Variants in HCRTR2 observed in about 807,000 individuals in gnomAD.
HCRTR2 encodes the protein orexin receptor type 2.
In HCRTR2, 22 loss-of-function variants were observed where a neutral mutation model predicts 49.0. That is an observed-to-expected ratio of 0.45 (90% CI 0.32 to 0.64). The LOEUF (loss-of-function observed/expected upper bound fraction) is 0.64. Ranked by LOEUF, HCRTR2 falls within the 30% of genes least tolerant of loss-of-function variation. The probability of loss-of-function intolerance (pLI) is 0.04; values close to 1 mark genes in which losing one functional copy is unlikely to be tolerated. For synonymous variants in HCRTR2, 236 were observed against 205.3 expected (o/e 1.15, Z -1.28); for missense variants, 491 against 559.4 (o/e 0.88, Z 1.23).
chr6:55,162,846 T>A (rs988092561), intron 1 of HCRTR2, among the ~76,000 whole-genome samples: 1 of 152,174 alleles, frequency 6.6e-6, no homozygotes, highest in Non-Finnish European at 1.5e-5. Flanking sequence ...AAACATTCCA[T>A]CCTCATGGAT....
At chr6:55,242,729 A>G (rs139604255) in intron 1 of HCRTR2, among the ~76,000 whole-genome samples, 1 of 152,332 alleles carries the variant, frequency 6.6e-6, no homozygotes, top group East Asian at 1.9e-4. Flanking sequence ...GCACCAGCAT[A>G]TCACCTTAGT....
intron 1 of HCRTR2, among the ~76,000 whole-genome samples, chr6:55,225,083 A>G (rs898802206): frequency 2.6e-5 from 4 of 152,194 alleles, no homozygotes; most frequent in African/African-American, 9.7e-5. Context: ...CACAATGTAT[A>G]CATCTTTTAA....
In HCRTR2 at chr6:55,128,598, T is replaced by C. The variant is rs185356217; in HGVS notation, c.-378+22053T>C. ...TTGTTTAGGTCATTTCTGATTTATC[T>C]GAGCAGTGGCTTATAGTTCTTGTAG... On this transcript the variant is annotated intron_variant, in intron 1 of 7. Coordinates refer to the HCRTR2 transcript ENST00000615358. Among the ~76,000 whole-genome samples the C allele has an allele frequency of 7.2e-5, 11 of 152,368 alleles. No individual in the cohort carries two copies. In the East Asian group the frequency reaches 2.1e-3, roughly 29 times the overall value.
intron 1 of HCRTR2, among the ~76,000 whole-genome samples, chr6:55,176,695 C>A (rs370341775): frequency 5.3e-5 from 8 of 152,112 alleles, no homozygotes; most frequent in South Asian, 2.1e-4. Flanking sequence ...TTTTTTCTGA[C>A]CTCAGATCCA....
At chr6:55,187,901 C>A (rs1234044866) in intron 1 of HCRTR2, among the ~76,000 whole-genome samples, 1 of 151,970 alleles carries the variant, frequency 6.6e-6, no homozygotes, top group Non-Finnish European at 1.5e-5. Flanking sequence ...CTCAGCCTCC[C>A]GAGTAGCTGG....
intron 1 of HCRTR2, among the ~76,000 whole-genome samples, chr6:55,142,871 G>T (rs887295313): frequency 4.6e-5 from 7 of 151,238 alleles, no homozygotes; most frequent in South Asian, 2.1e-4. Flanking sequence ...AAAAAATTTA[G>T]GGTGAAGAAA....
intron 1 of HCRTR2, among the ~76,000 whole-genome samples, chr6:55,135,476 A>T (rs916892906): frequency 2.6e-5 from 4 of 152,108 alleles, no homozygotes; most frequent in African/African-American, 9.7e-5. Context: ...TATTCCTGAA[A>T]GTTGCCCAAA....
In HCRTR2 at chr6:55,263,803, G is replaced by A. The variant is rs199660644; in HGVS notation, c.743G>A (p.Arg248His). Residue 248 changes from arginine to histidine, a missense_variant, in exon 4 of 7, where the codon CGC (arginine) becomes CAC (histidine). By Grantham distance (29) the Arg-to-His change is conservative (BLOSUM62 0). Coordinates refer to ENST00000370862, the MANE Select transcript of HCRTR2 (RefSeq NM_001384272.1). ...GTGTTGGCTTATCTGCAAATATTTC[G>A]CAAACTCTGGTGTCGACAGGTATAT... is the stretch of plus-strand genomic sequence containing the variant. ...LMVLAYLQIFRKLWCRQIPGT... is the reference protein window; with the variant it reads ...LMVLAYLQIFHKLWCRQIPGT... 7.6e-5 allele frequency: 122 copies of A among 1,605,584 alleles called. No homozygotes were observed. Among genetic ancestry groups the A allele is most frequent in the South Asian group, 1.1e-4 (10 of 90,836 alleles).
chr6:55,187,411 C>CAAAAAAA (rs57619664), intron 1 of HCRTR2, among the ~76,000 whole-genome samples: 7 of 98,422 alleles, frequency 7.1e-5, no homozygotes, highest in Non-Finnish European at 1.2e-4. Context: ...GACTCCGTCT[C>CAAAAAAA]AAAAAAAAAA....
chr6:55,210,346 G>C (rs2127291284), intron 1 of HCRTR2, among the ~76,000 whole-genome samples: 1 of 152,144 alleles, frequency 6.6e-6, no homozygotes, highest in South Asian at 2.1e-4. Flanking sequence ...CAATGTGATG[G>C]GGACTTGCTC....
At chr6:55,198,413 A>G (rs1765456272) in intron 1 of HCRTR2, among the ~76,000 whole-genome samples, 1 of 152,164 alleles carries the variant, frequency 6.6e-6, no homozygotes, top group Non-Finnish European at 1.5e-5. Context: ...TCAAACTGTA[A>G]TCCTAATGCT....
chr6:55,242,400 A>G (rs143245208), intron 1 of HCRTR2, among the ~76,000 whole-genome samples: 1,887 of 152,068 alleles, frequency 0.012, 24 homozygotes, highest in Non-Finnish European at 0.016. Context: ...AAAAAAATCT[A>G]CTTTCTATCT....
intron 1 of HCRTR2, among the ~76,000 whole-genome samples, chr6:55,122,296 A>G (rs9475153): frequency 0.62 from 94,334 of 151,778 alleles, 30,473 homozygotes; most frequent in African/African-American, 0.73. Context: ...ATTTCTGTGG[A>G]ATCAGTGGTG....
At chr6:55,130,734 A>G (rs1238554099) in intron 1 of HCRTR2, among the ~76,000 whole-genome samples, 3 of 151,614 alleles carry the variant, frequency 2.0e-5, no homozygotes, top group Non-Finnish European at 3.0e-5. Context: ...GTTTTCTCCT[A>G]CCCCAGGGAT....
At chr6:55,249,381 C>T (rs1766506522) in intron 2 of HCRTR2, among the ~76,000 whole-genome samples, 1 of 152,020 alleles carries the variant, frequency 6.6e-6, no homozygotes, top group Non-Finnish European at 1.5e-5. Flanking sequence ...CTAATTCAAA[C>T]TACCGGATTT....
In HCRTR2 at chr6:55,207,064, TATCTTATAAATCTAAGAATCTTTGC is replaced by T. The variant is rs1376937691; in HGVS notation, c.223+32279_223+32303del. Among the ~76,000 whole-genome samples the T allele has an allele frequency of 8.6e-4, 131 of 152,270 alleles. 1 individual carries two copies. Among genetic ancestry groups the T allele is most frequent in the Non-Finnish European group, 1.0e-3 (70 of 67,954 alleles). On this transcript the variant is annotated intron_variant, in intron 1 of 6. Coordinates refer to ENST00000370862, the MANE Select transcript of HCRTR2 (RefSeq NM_001384272.1). ...GGAGGATAGAAAATAACTTTCAAAATATCTTATAAATCTAAGAATCTTTGCATCTTATAAATCTAAGAATCTTTGG... is the reference window on the plus strand; with the variant it reads ...GGAGGATAGAAAATAACTTTCAAAATATCTTATAAATCTAAGAATCTTTGG...
rs150557632 is a variant in HCRTR2 at position 55,192,014 on chromosome 6, T to G, written c.223+17204T>G. On this transcript the variant is annotated intron_variant, in intron 1 of 6. Transcript: ENST00000370862. The stretch of plus-strand genomic sequence containing the variant: ...GGTTAGAGATGAGACATTTTTACTT[T>G]AAATTGCAATAATTCAGACTTAAAA... 9.0e-3 allele frequency among the ~76,000 whole-genome samples: 1,368 copies of G among 152,290 alleles called. 23 individuals are homozygous for G. Among genetic ancestry groups the G allele is most frequent in the African/African-American group, 0.031 (1,303 of 41,568 alleles).
intron 1 of HCRTR2, among the ~76,000 whole-genome samples, chr6:55,120,707 A>G (rs1305169363): frequency 6.6e-6 from 1 of 151,960 alleles, no homozygotes; most frequent in East Asian, 1.9e-4. Context: ...AACAGAGACA[A>G]TTTGACTTCC....
Position 55,227,391 on chromosome 6 carries a change from C to T in HCRTR2, c.224-21248C>T, listed in dbSNP as rs538267825. On this transcript the variant is annotated intron_variant, in intron 1 of 6. Coordinates refer to ENST00000370862, the MANE Select transcript of HCRTR2 (RefSeq NM_001384272.1). The stretch of plus-strand genomic sequence containing the variant: ...TATGGGGACCTTAATTGAAATCTAA[C>T]TCTATCCAATTCTATTTCTTTTCCC... Among the ~76,000 whole-genome samples the T allele has an allele frequency of 2.0e-5, 3 of 152,274 alleles. 1 individual carries two copies. In the South Asian group the frequency reaches 6.2e-4, roughly 32 times the overall value.
Sources: gnomAD v4.1 joint callset for allele counts (sites outside exome capture counted in the v4.1 genomes callset) on GRCh38, gnomAD v4.1.1 for gene constraint, MANE v1.5 for transcripts, NCBI Gene and HGNC (gene_info 2026-07-23, HGNC 2026-07-21) for gene names.